The following CADPS variants were observed in gnomAD, a reference collection of about 807,000 sequenced individuals.
CADPS encodes the protein calcium dependent secretion activator.
CADPS carries 57 observed loss-of-function variants against 167.3 expected under a neutral mutation model. That is an observed-to-expected ratio of 0.34 (90% CI 0.28 to 0.42). The LOEUF is 0.42. Among genes scored for constraint, CADPS ranks in the 20% least tolerant of loss-of-function variants. The probability of loss-of-function intolerance (pLI) is 1.00; values close to 1 mark genes in which losing one functional copy is unlikely to be tolerated. For missense variants in CADPS, 1,414 were observed against 1,738.1 expected (o/e 0.81, Z 3.32); for synonymous variants, 676 against 635.3 (o/e 1.06, Z -0.96).
intron 1 of CADPS, among the ~76,000 whole-genome samples, chr3:62,812,506 C>T (rs766717462): frequency 1.4e-4 from 21 of 152,092 alleles, no homozygotes; most frequent in Non-Finnish European, 2.6e-4. Context: ...TATTTAGAAT[C>T]GGGGTAAAGG....
chr3:62,831,351 G>A (rs1441023815), intron 1 of CADPS, among the ~76,000 whole-genome samples: 2 of 152,072 alleles, frequency 1.3e-5, no homozygotes, highest in African/African-American at 4.8e-5. Flanking sequence ...ATCATATCTA[G>A]GCAGACCAAC....
Position 62,438,439 on chromosome 3 carries a change from AG to A in CADPS, c.3670-229del. 1 of 461,166 alleles carries A rather than the reference AG, an allele frequency of 2.2e-6. No homozygotes were observed. 28.6% of individuals were successfully genotyped at this position (461,166 alleles called of 1,614,324 possible). A position where few individuals can be genotyped will look rare whatever the true frequency, so the allele number is the denominator to read the frequency against. On this transcript the variant is annotated intron_variant, in intron 27 of 29. Transcript: ENST00000383710. The surrounding 1 kb of genome is among the most constrained non-coding windows in gnomAD (Gnocchi z 4.7). ...TGGCTAAGAAGGGCATTGAGATTGT[AG>A]GATTTTATAAATAGTTTTTCTATGA...
intron 1 of CADPS, among the ~76,000 whole-genome samples, chr3:62,827,542 G>A (rs1474943640): frequency 6.6e-6 from 1 of 152,084 alleles, no homozygotes; most frequent in African/African-American, 2.4e-5. Flanking sequence ...AGATGCCTTT[G>A]GTCTCTAAAT....
intron 6 of CADPS, among the ~76,000 whole-genome samples, chr3:62,624,747 G>T (rs2063746718): frequency 6.6e-6 from 1 of 152,090 alleles, no homozygotes; most frequent in Admixed American, 6.6e-5. Context: ...TTGTAAAGTG[G>T]GAATGATAAT....
intron 1 of CADPS, among the ~76,000 whole-genome samples, chr3:62,769,097 T>C (rs575092509): frequency 6.6e-6 from 1 of 152,296 alleles, no homozygotes; most frequent in African/African-American, 2.4e-5. Context: ...TTTTCTCATT[T>C]GTAAAATGGG....
At chr3:62,425,739 A>T (rs2052518139) in intron 28 of CADPS, among the ~76,000 whole-genome samples, 2 of 152,202 alleles carry the variant, frequency 1.3e-5, no homozygotes, top group Non-Finnish European at 1.5e-5. Context: ...GAATAGTGTA[A>T]TTTCTGAAAG....
intron 6 of CADPS, among the ~76,000 whole-genome samples, chr3:62,641,259 T>C (rs945400229): frequency 2.6e-5 from 4 of 152,188 alleles, no homozygotes; most frequent in Non-Finnish European, 4.4e-5. Context: ...CTGAGACCTG[T>C]GGAGGTGTTA....
intron 29 of CADPS, 78 bp downstream of exon 29, chr3:62,403,003 A>T (rs1706974053): frequency 2.3e-6 from 2 of 877,566 alleles, no homozygotes; most frequent in Non-Finnish European, 3.6e-6. Context: ...TCTTTGTGTT[A>T]AGCAAGCTTT....
chr3:62,418,455 G>A lies in CADPS; in HGVS notation c.3778-15270C>T, dbSNP rs1170364937. Among the ~76,000 whole-genome samples the A allele has an allele frequency of 1.8e-4, 25 of 140,392 alleles. No homozygotes were observed. In the East Asian group the frequency reaches 5.3e-3, roughly 30 times the overall value. 92.1% of individuals were successfully genotyped at this position (140,392 alleles called of 152,430 possible). A position where few individuals can be genotyped will look rare whatever the true frequency, so the allele number is the denominator to read the frequency against. On this transcript the variant is annotated intron_variant, in intron 28 of 29. Coordinates refer to ENST00000383710, the MANE Select transcript of CADPS (RefSeq NM_003716.4). The stretch of plus-strand genomic sequence containing the variant: ...TCCTCCTGCCTCAGCACCCCAAGTA[G>A]TTGGGACTACAGGTATGCAACACCA...
At chr3:62,607,462 C>T (rs1189048337) in intron 6 of CADPS, among the ~76,000 whole-genome samples, 2 of 152,218 alleles carry the variant, frequency 1.3e-5, no homozygotes, top group East Asian at 1.9e-4. Context: ...AAGGCACTCC[C>T]GATCGAGCCT....
rs1182520958 is a variant in CADPS, at chr3:62,406,811, C to T, written c.3778-3626G>A. Among the ~76,000 whole-genome samples the T allele has an allele frequency of 4.6e-5, 7 of 152,300 alleles. No homozygotes were observed. The East Asian group carries it at 1.4e-3, about 29-fold the overall frequency. ...AACAGGGCCCTTGGAAAGGTGGGAACTTCTTCAGCAGCTGAACTGGATCTG... is the reference window on the plus strand; with the variant it reads ...AACAGGGCCCTTGGAAAGGTGGGAATTTCTTCAGCAGCTGAACTGGATCTG... On this transcript the variant is annotated intron_variant, in intron 28 of 29. Transcript: ENST00000383710.
In CADPS at chr3:62,650,935, C is replaced by T. The variant is rs1214963810; in HGVS notation, c.1115G>A (p.Arg372His). The T allele has an allele frequency of 1.2e-6, 2 of 1,614,066 alleles. No homozygotes were observed. ...GGEFKLQKLK[R>H]SHNASIIDMG... ...GTCGATGATGGAAGCATTGTGGCTGCGTTTGAGTTTCTGGAGCTTGAACTC... is the reference window on the plus strand; with the variant it reads ...GTCGATGATGGAAGCATTGTGGCTGTGTTTGAGTTTCTGGAGCTTGAACTC... Residue 372 changes from arginine (R) to histidine (H), a missense_variant, in exon 5 of 30, where the codon CGC becomes CAC. Arg to His is a conservative substitution (Grantham distance 29). Transcript: ENST00000383710.
intron 1 of CADPS, among the ~76,000 whole-genome samples, chr3:62,768,937 C>T (rs568349614): frequency 3.0e-4 from 46 of 152,236 alleles, no homozygotes; most frequent in African/African-American, 1.0e-3. Flanking sequence ...TGGACTTCAG[C>T]GGCAGAACTT....
intron 2 of CADPS, among the ~76,000 whole-genome samples, chr3:62,759,465 G>T (rs924817841): frequency 2.6e-5 from 4 of 152,182 alleles, no homozygotes; most frequent in African/African-American, 9.6e-5. Flanking sequence ...TCCAATGGCA[G>T]GGGTGAGGTG....
intron 1 of CADPS, among the ~76,000 whole-genome samples, chr3:62,863,972 C>T (rs898449286): frequency 2.0e-5 from 3 of 152,178 alleles, no homozygotes; most frequent in African/African-American, 7.2e-5. Flanking sequence ...GAGGTCAATG[C>T]TCCTCCAAGT....
intron 1 of CADPS, among the ~76,000 whole-genome samples, chr3:62,784,322 T>C (rs2092156559): frequency 6.6e-6 from 1 of 152,214 alleles, no homozygotes; most frequent in Non-Finnish European, 1.5e-5. Context: ...ATAACATAAG[T>C]ATCAAGCTTT....
intron 6 of CADPS, among the ~76,000 whole-genome samples, chr3:62,623,851 A>T (rs893607487): frequency 6.6e-6 from 1 of 152,164 alleles, no homozygotes; most frequent in Non-Finnish European, 1.5e-5. Context: ...ATAAATAAAA[A>T]GAATTCTTGG....
At chr3:62,791,161 T>G (rs560139033) in intron 1 of CADPS, among the ~76,000 whole-genome samples, 2 of 152,314 alleles carry the variant, frequency 1.3e-5, no homozygotes, top group East Asian at 3.9e-4. Flanking sequence ...TAAAGCAGAT[T>G]CTTTTCCTAT....
At chr3:62,847,111 T>G (rs377028706) in intron 1 of CADPS, among the ~76,000 whole-genome samples, 78 of 152,328 alleles carry the variant, frequency 5.1e-4, no homozygotes, top group African/African-American at 1.7e-3. Flanking sequence ...AGTAGCCTCC[T>G]AAGTCCTTTT....
Sources: gnomAD v4.1 joint callset for allele counts (sites outside exome capture counted in the v4.1 genomes callset) on GRCh38, gnomAD v4.1.1 for gene constraint, Gnocchi (gnomAD v3.1) non-coding constraint, MANE v1.5 for transcripts, NCBI Gene and HGNC (gene_info 2026-07-23, HGNC 2026-07-21) for gene names.